The following CHST9 variants were observed in gnomAD, a reference collection of about 807,000 sequenced individuals.
The protein encoded by CHST9 is GalNAc-4-sulfotransferase 2.
In CHST9, 41 loss-of-function variants were observed where a neutral mutation model predicts 44.4. The ratio of observed to expected loss-of-function variants is 0.92; its 90% CI spans 0.72 to 1.20. The LOEUF (loss-of-function observed/expected upper bound fraction) is 1.20, where lower values mean the gene tolerates loss of function less well. Among genes scored for constraint, CHST9 ranks in the 50% most tolerant of loss-of-function variants. The probability of loss-of-function intolerance (pLI) is 0.00; values close to 1 mark genes in which losing one functional copy is unlikely to be tolerated. For synonymous variants in CHST9, 171 were observed against 178.4 expected (o/e 0.96, Z 0.33); for missense variants, 504 against 516.5 (o/e 0.98, Z 0.23).
At chr18:26,983,843 G>A (rs189517425) in intron 4 of CHST9, among the ~76,000 whole-genome samples, 360 of 152,294 alleles carry the variant, frequency 2.4e-3, no homozygotes, top group Middle Eastern at 3.4e-3. Context: ...AGTGCCTCAT[G>A]AGTGTAGATA....
At chr18:27,069,271 T>G (rs2057814047) in intron 2 of CHST9, among the ~76,000 whole-genome samples, 1 of 152,218 alleles carries the variant, frequency 6.6e-6, no homozygotes, top group Non-Finnish European at 1.5e-5. Context: ...TAATAAAGGC[T>G]GTTTATGTTC....
chr18:26,973,334 CACA>C (rs1439174901), intron 4 of CHST9, among the ~76,000 whole-genome samples: 2 of 152,220 alleles, frequency 1.3e-5, no homozygotes, highest in South Asian at 2.1e-4. Flanking sequence ...GAATTAGGCA[CACA>C]ACAAGTGTGT....
At chr18:27,062,492 C>T (rs2057735748) in intron 2 of CHST9, among the ~76,000 whole-genome samples, 1 of 152,166 alleles carries the variant, frequency 6.6e-6, no homozygotes, top group Admixed American at 6.6e-5. Context: ...GACATGAACT[C>T]ATCCTTTTTT....
At chr18:26,959,663 G>T (rs1281966073) in intron 4 of CHST9, among the ~76,000 whole-genome samples, 2 of 152,162 alleles carry the variant, frequency 1.3e-5, no homozygotes, top group Non-Finnish European at 2.9e-5. Context: ...ACAGTAAATG[G>T]TTGCACTGAA....
At chr18:27,036,563 A>C (rs572111358) in intron 3 of CHST9, among the ~76,000 whole-genome samples, 1 of 152,154 alleles carries the variant, frequency 6.6e-6, no homozygotes, top group Non-Finnish European at 1.5e-5. Context: ...GAAAAGCTTC[A>C]TTTCTTAAGA....
intron 2 of CHST9, among the ~76,000 whole-genome samples, chr18:27,138,214 G>A (rs1482976787): frequency 6.6e-6 from 1 of 152,130 alleles, no homozygotes; most frequent in African/African-American, 2.4e-5. Context: ...TCATTTGACT[G>A]CACTCTCCTT....
chr18:27,016,610 C>T (rs1032496381), intron 4 of CHST9, among the ~76,000 whole-genome samples: 2 of 152,166 alleles, frequency 1.3e-5, no homozygotes, highest in Admixed American at 6.5e-5. Context: ...GTATATCCAG[C>T]GCCTAGCACA....
chr18:26,937,544 A>G (rs1282643045), intron 5 of CHST9, among the ~76,000 whole-genome samples: 2 of 152,214 alleles, frequency 1.3e-5, no homozygotes, highest in African/African-American at 2.4e-5. Context: ...GCTGCCACTC[A>G]TCAGCGGAGT....
chr18:27,097,100 C>T (rs545523634), intron 2 of CHST9, among the ~76,000 whole-genome samples: 4 of 152,056 alleles, frequency 2.6e-5, no homozygotes, highest in South Asian at 2.1e-4. Context: ...GCTTCATTCC[C>T]GGGATACAAG....
intron 4 of CHST9, among the ~76,000 whole-genome samples, chr18:27,003,671 C>G (rs947615807): frequency 1.3e-5 from 2 of 152,082 alleles, no homozygotes. Context: ...TTTACAACAC[C>G]TGCACATGAC....
chr18:27,160,047 T>A (rs1442421256), intron 1 of CHST9, among the ~76,000 whole-genome samples: 3 of 152,140 alleles, frequency 2.0e-5, no homozygotes, highest in Non-Finnish European at 4.4e-5. Flanking sequence ...CAATCATGTC[T>A]TCCGCAAACA....
intron 2 of CHST9, among the ~76,000 whole-genome samples, chr18:27,135,772 G>A (rs1326487117): frequency 6.6e-6 from 1 of 152,142 alleles, no homozygotes; most frequent in East Asian, 1.9e-4. Flanking sequence ...TCTTTCTCAA[G>A]CAGCTGGTGA....
intron 5 of CHST9, chr18:26,925,778 T>C (rs1354996439): frequency 6.6e-6 from 1 of 152,256 alleles, no homozygotes; most frequent in South Asian, 2.1e-4. Flanking sequence ...TTAATGTAAA[T>C]ATGTTCTCCA....
intron 4 of CHST9, among the ~76,000 whole-genome samples, chr18:26,999,487 T>C (rs1202289145): frequency 2.0e-5 from 3 of 152,176 alleles, no homozygotes; most frequent in Non-Finnish European, 2.9e-5. Context: ...ATGATAATGA[T>C]TTTTAGTCCA....
intron 4 of CHST9, among the ~76,000 whole-genome samples, chr18:26,993,909 G>T (rs2056854130): frequency 6.6e-6 from 1 of 152,204 alleles, no homozygotes; most frequent in Admixed American, 6.5e-5. Flanking sequence ...AAGTCCAAGG[G>T]CAAGGTGCCG....
intron 4 of CHST9, among the ~76,000 whole-genome samples, chr18:26,975,532 GTCTT>G (rs1021357320): frequency 5.3e-5 from 8 of 151,402 alleles, no homozygotes; most frequent in Admixed American, 2.6e-4. Context: ...TGCAGTATTT[GTCTT>G]TCTATGTCTG....
chr18:27,175,437 A>T (rs2058860770), intron 1 of CHST9, among the ~76,000 whole-genome samples: 2 of 151,994 alleles, frequency 1.3e-5, no homozygotes, highest in Non-Finnish European at 2.9e-5. Flanking sequence ...CTGGGCATTT[A>T]TTTATTTTGG....
chr18:27,079,004 C>T (rs1244752661), intron 2 of CHST9, among the ~76,000 whole-genome samples: 1 of 152,130 alleles, frequency 6.6e-6, no homozygotes, highest in Non-Finnish European at 1.5e-5. Context: ...GTTCCTAAAG[C>T]CATGAGCAAT....
chr18:27,067,536 T>C (rs1033428098), intron 2 of CHST9, among the ~76,000 whole-genome samples: 3 of 152,210 alleles, frequency 2.0e-5, no homozygotes, highest in Non-Finnish European at 4.4e-5. Flanking sequence ...TCAATTTTAA[T>C]GGTGGGATAG....
Sources: gnomAD v4.1 joint callset for allele counts (sites outside exome capture counted in the v4.1 genomes callset) on GRCh38, gnomAD v4.1.1 for gene constraint, MANE v1.5 for transcripts, NCBI Gene and HGNC (gene_info 2026-07-23, HGNC 2026-07-21) for gene names.